Variants in ATG5 observed in about 807,000 individuals in gnomAD.
ATG5 encodes the protein autophagy protein 5.
ATG5 carries 14 observed loss-of-function variants against 36.5 expected under a neutral mutation model. That is an observed-to-expected ratio of 0.38 (90% confidence interval 0.25 to 0.60). The LOEUF is 0.60. Among genes scored for constraint, ATG5 ranks in the 20% least tolerant of loss-of-function variants. The probability of loss-of-function intolerance (pLI) is 0.60; values close to 1 mark genes in which losing one functional copy is unlikely to be tolerated. For synonymous variants in ATG5, 95 were observed against 101.5 expected (o/e 0.94, Z 0.38); for missense variants, 195 against 326.7 (o/e 0.60, Z 3.11).
intron 2 of ATG5, among the ~76,000 whole-genome samples, chr6:106,314,662 A>G (rs1582690708): frequency 6.6e-6 from 1 of 152,158 alleles, no homozygotes; most frequent in East Asian, 1.9e-4. Context: ...ACATACTCTT[A>G]TATACTATTA....
chr6:106,303,255 A>C (rs1467744298), intron 3 of ATG5, among the ~76,000 whole-genome samples: 1 of 152,062 alleles, frequency 6.6e-6, no homozygotes. Context: ...CAGATCCTAA[A>C]GTCATTCACA....
chr6:106,251,707 AAAAG>A (rs776884700), intron 5 of ATG5, among the ~76,000 whole-genome samples: 101 of 123,716 alleles, frequency 8.2e-4, no homozygotes, highest in Admixed American at 2.1e-3. Context: ...AAGAAAGAGA[AAAAG>A]AAAGAAAGAA....
intron 2 of ATG5, among the ~76,000 whole-genome samples, chr6:106,312,271 G>A (rs75468154): frequency 0.011 from 1,695 of 152,234 alleles, 31 homozygotes; most frequent in African/African-American, 0.039. Context: ...AGCACCAAAC[G>A]ATGAGTCCCA....
At chr6:106,272,320 T>C (rs1001320855) in intron 5 of ATG5, among the ~76,000 whole-genome samples, 1 of 152,214 alleles carries the variant, frequency 6.6e-6, no homozygotes, top group Non-Finnish European at 1.5e-5. Flanking sequence ...TCTCCTACCA[T>C]CCCACTCTCT....
intron 6 of ATG5, among the ~76,000 whole-genome samples, chr6:106,231,125 G>T (rs1777671406): frequency 1.3e-5 from 2 of 152,174 alleles, no homozygotes; most frequent in South Asian, 2.1e-4. Flanking sequence ...CCTCCAAGCG[G>T]TGGGAGGAGA....
chr6:106,252,807 C>G (rs779191423), intron 5 of ATG5, among the ~76,000 whole-genome samples: 2 of 152,208 alleles, frequency 1.3e-5, no homozygotes, highest in Non-Finnish European at 2.9e-5. Flanking sequence ...ACCTCCTGGT[C>G]TTTAACATCT....
chr6:106,288,726 T>C (rs1379071973), intron 4 of ATG5, among the ~76,000 whole-genome samples: 2 of 152,204 alleles, frequency 1.3e-5, no homozygotes, highest in African/African-American at 4.8e-5. Context: ...AATCAGAAAC[T>C]GCACTTTAGT....
intron 6 of ATG5, among the ~76,000 whole-genome samples, chr6:106,233,374 C>A (rs1295360439): frequency 2.0e-5 from 3 of 152,130 alleles, no homozygotes; most frequent in African/African-American, 7.2e-5. Flanking sequence ...AAGCCAATAC[C>A]CATTTAGTAA....
chr6:106,239,608 T>C (rs2787526), intron 6 of ATG5, among the ~76,000 whole-genome samples: 3,141 of 152,260 alleles, frequency 0.021, 106 homozygotes, highest in African/African-American at 0.068. Flanking sequence ...GATAAGAAAA[T>C]ACATATACTG....
intron 5 of ATG5, chr6:106,271,507 T>G (rs1257691336): frequency 6.6e-6 from 1 of 152,222 alleles, no homozygotes; most frequent in Non-Finnish European, 1.5e-5. Context: ...ACCTTCCTCT[T>G]GGACTCTCTA....
intron 6 of ATG5, among the ~76,000 whole-genome samples, chr6:106,205,362 T>C (rs1158337231): frequency 6.6e-6 from 1 of 152,232 alleles, no homozygotes; most frequent in East Asian, 1.9e-4. Context: ...CTCATTCATA[T>C]CCTAATTAGT....
At chr6:106,290,339 TAG>T (rs922099824) in intron 4 of ATG5, among the ~76,000 whole-genome samples, 24 of 151,728 alleles carry the variant, frequency 1.6e-4, no homozygotes, top group African/African-American at 5.6e-4. Flanking sequence ...CATTTATTTT[TAG>T]AGAGAGTTTT....
intron 5 of ATG5, among the ~76,000 whole-genome samples, chr6:106,254,331 T>C (rs1035470669): frequency 5.9e-5 from 9 of 152,230 alleles, no homozygotes; most frequent in African/African-American, 2.2e-4. Context: ...TGTTTAAGTA[T>C]GTACTGTCGC....
At chr6:106,287,974 CTT>C (rs756510208) in intron 4 of ATG5, among the ~76,000 whole-genome samples, 37 of 140,396 alleles carry the variant, frequency 2.6e-4, no homozygotes, top group Non-Finnish European at 2.2e-4. Flanking sequence ...CCACAATTAA[CTT>C]TTTTTTTTTT....
intron 2 of ATG5, among the ~76,000 whole-genome samples, chr6:106,310,013 C>T (rs565038897): frequency 1.3e-5 from 2 of 152,152 alleles, no homozygotes; most frequent in South Asian, 4.1e-4. Flanking sequence ...TGGCTTCACT[C>T]AAAATTGCTA....
rs565244794 is a variant in ATG5 at position 106,210,033 on chromosome 6, G to A, written c.574-7944C>T. On this transcript the variant is annotated intron_variant, in intron 6 of 7. Coordinates refer to ENST00000369076, the MANE Select transcript of ATG5 (RefSeq NM_004849.4). ...GATTTCCAAGTGATTCATGTTTAAA[G>A]TTTGAGAAGCACTAGTCTACAACAA... Among the ~76,000 whole-genome samples the A allele has an allele frequency of 1.3e-5, 2 of 152,262 alleles. 1 individual carries two copies. Among genetic ancestry groups the A allele is most frequent in the South Asian group, 4.1e-4 (2 of 4,826 alleles).
intron 4 of ATG5, among the ~76,000 whole-genome samples, chr6:106,285,503 G>T (rs1049525945): frequency 6.6e-6 from 1 of 152,080 alleles, no homozygotes; most frequent in Admixed American, 6.6e-5. Context: ...GTTCTGGCTG[G>T]CAGTTAACTT....
In ATG5 at chr6:106,279,662, AT is replaced by A; in HGVS notation, c.476del (p.Asn159MetfsTer57). On this transcript the variant is annotated frameshift_variant and splice_region_variant, in exon 5 of 8. Coordinates refer to ENST00000369076, the MANE Select transcript of ATG5 (RefSeq NM_004849.4). LOFTEE classifies it high-confidence loss of function. The stretch of plus-strand genomic sequence containing the variant: ...AAAATTAAACACTATTATACTTACC[AT>A]TTTGCAATCCCATCCAGAGTTGCTT... ...DHKQLWMGLQ[N>X]DRFDQFWAIN... 6.3e-7 allele frequency: 1 copy of A among 1,588,824 alleles called. No individual in the cohort carries two copies. Among genetic ancestry groups the A allele is most frequent in the South Asian group, 1.2e-5 (1 of 85,958 alleles).
intron 5 of ATG5, among the ~76,000 whole-genome samples, chr6:106,264,611 AGG>A (rs1004053875): frequency 6.6e-6 from 1 of 152,246 alleles, no homozygotes; most frequent in Non-Finnish European, 1.5e-5. Flanking sequence ...GTTTCCTACA[AGG>A]GGAAGCCCAT....
Sources: allele counts gnomAD v4.1 joint callset (sites outside exome capture counted in the v4.1 genomes callset), GRCh38; gene constraint gnomAD v4.1.1; transcripts MANE v1.5; gene names NCBI Gene and HGNC (gene_info 2026-07-23, HGNC 2026-07-21).